The following CDKAL1 variants were observed in gnomAD, a reference collection of about 807,000 sequenced individuals.
CDKAL1 encodes the protein threonylcarbamoyladenosine tRNA methylthiotransferase.
CDKAL1 carries 32 observed loss-of-function variants against 68.2 expected under a neutral mutation model. The ratio of observed to expected loss-of-function variants is 0.47; its 90% CI spans 0.35 to 0.63. The LOEUF (loss-of-function observed/expected upper bound fraction) is 0.63. Ranked by LOEUF, CDKAL1 falls within the 30% of genes least tolerant of loss-of-function variation. The pLI, the probability that CDKAL1 is intolerant of heterozygous loss-of-function variation, is 0.00. For missense variants in CDKAL1, 606 were observed against 696.7 expected (o/e 0.87, Z 1.47); for synonymous variants, 234 against 244.3 (o/e 0.96, Z 0.39).
chr6:20,538,817 A>G (rs1387586742), intron 2 of CDKAL1, among the ~76,000 whole-genome samples: 1 of 152,226 alleles, frequency 6.6e-6, no homozygotes, highest in Non-Finnish European at 1.5e-5. Flanking sequence ...GCTGTGTCAT[A>G]GAAAGACTAG....
intron 13 of CDKAL1, among the ~76,000 whole-genome samples, chr6:21,134,080 G>A (rs150028254): frequency 1.3e-4 from 20 of 152,206 alleles, no homozygotes; most frequent in African/African-American, 3.4e-4. Context: ...GTATGTGGCC[G>A]TGCTCTTTTG....
At chr6:20,757,427 G>GA (rs1774267363) in intron 6 of CDKAL1, among the ~76,000 whole-genome samples, 1 of 151,974 alleles carries the variant, frequency 6.6e-6, no homozygotes, top group Non-Finnish European at 1.5e-5. Context: ...ACAATATATA[G>GA]AAAAAACATC....
At chr6:21,092,847 T>A (rs1456720123) in intron 12 of CDKAL1, among the ~76,000 whole-genome samples, 1 of 151,402 alleles carries the variant, frequency 6.6e-6, no homozygotes. Context: ...AAAATAATTC[T>A]TAGACATTAA....
In CDKAL1 at chr6:21,231,245, C is replaced by T. The variant is rs1331721023; in HGVS notation, c.*206C>T. The T allele has an allele frequency of 4.8e-6, 2 of 412,752 alleles. No individual in the cohort carries two copies. Among genetic ancestry groups the T allele is most frequent in the Non-Finnish European group, 8.6e-6 (2 of 232,730 alleles). The allele number at this position is 412,752 out of a possible 1,614,324, so 25.6% of individuals were successfully genotyped here. A position where few individuals can be genotyped will look rare whatever the true frequency, so the allele number is the denominator to read the frequency against. ...TATTTGACCTAAAACCTAATCACCG[C>T]TACCATAGCACATCCTTCAAATTAA... is the stretch of plus-strand genomic sequence containing the variant. On this transcript the variant is annotated 3_prime_UTR_variant, in exon 16 of 16. Coordinates refer to ENST00000274695, the MANE Select transcript of CDKAL1 (RefSeq NM_017774.3).
rs146837584 is a variant in CDKAL1, at chr6:20,900,657, C to T, written c.742+54479C>T. ...CAGATATGTCACTTTTAAGCAACAC[C>T]TGTGCAGTAGTCATTTCCAAGTTTC... is the stretch of plus-strand genomic sequence containing the variant. On this transcript the variant is annotated intron_variant, in intron 9 of 15. Coordinates refer to ENST00000274695, the MANE Select transcript of CDKAL1 (RefSeq NM_017774.3). Among the ~76,000 whole-genome samples, 1,194 of 152,298 alleles carry T rather than the reference C, an allele frequency of 7.8e-3. 13 individuals are homozygous for T. Among genetic ancestry groups the T allele is most frequent in the African/African-American group, 0.027 (1,129 of 41,568 alleles).
intron 9 of CDKAL1, among the ~76,000 whole-genome samples, chr6:20,913,429 A>T (rs1301213426): frequency 6.6e-6 from 1 of 152,134 alleles, no homozygotes; most frequent in East Asian, 1.9e-4. Context: ...GGCCTCTCCA[A>T]TATGGCAGCT....
At chr6:20,802,668 A>G (rs1776418143) in intron 8 of CDKAL1, among the ~76,000 whole-genome samples, 1 of 152,152 alleles carries the variant, frequency 6.6e-6, no homozygotes, top group South Asian at 2.1e-4. Flanking sequence ...CAGGCCTTAC[A>G]GTGATTTAAA....
At chr6:20,673,235 ACAGATG>A (rs1431803190) in intron 5 of CDKAL1, among the ~76,000 whole-genome samples, 1 of 151,736 alleles carries the variant, frequency 6.6e-6, no homozygotes, top group Admixed American at 6.5e-5. Context: ...CTTTGGATAT[ACAGATG>A]TCATTCCAGA....
At chr6:21,131,661 A>G (rs1775328060) in intron 13 of CDKAL1, among the ~76,000 whole-genome samples, 1 of 152,192 alleles carries the variant, frequency 6.6e-6, no homozygotes. Flanking sequence ...TCCTAACACT[A>G]GAAAAAAACC....
chr6:20,977,641 G>T (rs963791070), intron 10 of CDKAL1, among the ~76,000 whole-genome samples: 1 of 152,192 alleles, frequency 6.6e-6, no homozygotes, highest in Non-Finnish European at 1.5e-5. Context: ...AATTTGGGAA[G>T]CCAAGGTGGG....
chr6:21,082,874 GTT>G (rs71540612), intron 12 of CDKAL1, among the ~76,000 whole-genome samples: 8 of 129,138 alleles, frequency 6.2e-5, no homozygotes, highest in Admixed American at 8.1e-5. Flanking sequence ...TGTTTCTTTT[GTT>G]TTTTTTTTTT....
rs1288240276 is a variant in CDKAL1 at position 20,982,345 on chromosome 6, C to T, written c.910-17882C>T. 2.0e-5 allele frequency among the ~76,000 whole-genome samples: 3 copies of T among 152,212 alleles called. No homozygotes were observed. In the East Asian group the frequency reaches 5.8e-4, roughly 29 times the overall value. ...AAGTGCTGGGATTACAGACATGAGC[C>T]ACTGTGCCTGTTCTGAAGGAAATTC... On this transcript the variant is annotated intron_variant, in intron 10 of 15. Transcript: ENST00000274695.
At chr6:21,047,167 C>T (rs1244875029) in intron 11 of CDKAL1, among the ~76,000 whole-genome samples, 1 of 151,858 alleles carries the variant, frequency 6.6e-6, no homozygotes, top group African/African-American at 2.4e-5. Context: ...CCTTCCGTCT[C>T]AGCCTCATGA....
chr6:20,619,816 C>T (rs1176887895), intron 4 of CDKAL1, among the ~76,000 whole-genome samples: 1 of 152,138 alleles, frequency 6.6e-6, no homozygotes, highest in Non-Finnish European at 1.5e-5. Flanking sequence ...ACTAGCCAGT[C>T]ATTTGATTAA....
chr6:21,130,729 C>T (rs1775271105), intron 13 of CDKAL1, among the ~76,000 whole-genome samples: 1 of 152,262 alleles, frequency 6.6e-6, no homozygotes, highest in East Asian at 1.9e-4. Flanking sequence ...TACTTGTCTA[C>T]TGGTGGAAAG....
chr6:21,149,927 G>T (rs1454011991), intron 13 of CDKAL1, among the ~76,000 whole-genome samples: 1 of 152,100 alleles, frequency 6.6e-6, no homozygotes, highest in African/African-American at 2.4e-5. Context: ...GCGCTGTCTC[G>T]GCTCAGTGCA....
rs184809875 is a variant in CDKAL1, at chr6:21,111,054, A to T, written c.1299+2591A>T. Among the ~76,000 whole-genome samples the T allele has an allele frequency of 2.0e-5, 3 of 152,304 alleles. No homozygotes were observed. The East Asian group carries it at 5.8e-4, about 29-fold the overall frequency. On this transcript the variant is annotated intron_variant, in intron 13 of 15. Transcript: ENST00000274695. ...TAAGATTGCCCATGTGTTGGTGATT[A>T]TCAAAACTAAATGATGTTTGGGGGG...
At chr6:20,954,801 G>A (rs1480684519) in intron 9 of CDKAL1, among the ~76,000 whole-genome samples, 2 of 152,132 alleles carry the variant, frequency 1.3e-5, no homozygotes, top group African/African-American at 4.8e-5. Context: ...AAAATAGAAA[G>A]CAAACTGTCA....
At chr6:20,939,095 A>G (rs746773511) in intron 9 of CDKAL1, among the ~76,000 whole-genome samples, 2 of 152,204 alleles carry the variant, frequency 1.3e-5, no homozygotes, top group Non-Finnish European at 2.9e-5. Context: ...CTGTCCTATT[A>G]CAAGAGTTAG....
Sources: allele counts gnomAD v4.1 joint callset (sites outside exome capture counted in the v4.1 genomes callset), GRCh38; gene constraint gnomAD v4.1.1; transcripts MANE v1.5; gene names NCBI Gene and HGNC (gene_info 2026-07-23, HGNC 2026-07-21).